Variants in CADM2 observed in about 807,000 individuals in gnomAD.
The protein encoded by CADM2 is cell adhesion molecule 2.
Under a neutral mutation model 49.8 loss-of-function variants are expected in CADM2, and 12 were observed. The ratio of observed to expected loss-of-function variants is 0.24; its 90% CI spans 0.15 to 0.39. The LOEUF (loss-of-function observed/expected upper bound fraction) is 0.39. Among genes scored for constraint, CADM2 ranks in the 10% least tolerant of loss-of-function variants. The pLI is 1.00. For synonymous variants in CADM2, 214 were observed against 175.4 expected, an observed-to-expected ratio of 1.22 and a Z score of -1.74; for missense variants, 378 against 492.3, an observed-to-expected ratio of 0.77 and a Z score of 2.20.
chr3:85,346,513 T>C (rs1489767628), intron 1 of CADM2, among the ~76,000 whole-genome samples: 2 of 152,204 alleles, frequency 1.3e-5, no homozygotes, highest in African/African-American at 4.8e-5. Flanking sequence ...TTGTATTTTG[T>C]TCTATTGTTG....
chr3:85,347,870 C>A (rs561585358), intron 1 of CADM2, among the ~76,000 whole-genome samples: 2 of 150,886 alleles, frequency 1.3e-5, no homozygotes, highest in East Asian at 1.9e-4. Context: ...TGCAGTGGCA[C>A]GATCTCCGCT....
chr3:85,568,420 T>TC (rs1491473089), intron 1 of CADM2, among the ~76,000 whole-genome samples: 2 of 31,748 alleles, frequency 6.3e-5, no homozygotes, highest in East Asian at 0.01. Flanking sequence ...TCTTTCTTTC[T>TC]TTCTTTCTTT....
chr3:85,999,567 C>CAGGA (rs34807959), intron 8 of CADM2, among the ~76,000 whole-genome samples: 5 of 121,992 alleles, frequency 4.1e-5, no homozygotes, highest in African/African-American at 1.6e-4. Context: ...GGCAGGAAGG[C>CAGGA]AGGAAGGAAG....
At chr3:85,542,150 C>T (rs976337861) in intron 1 of CADM2, among the ~76,000 whole-genome samples, 4 of 151,990 alleles carry the variant, frequency 2.6e-5, no homozygotes, top group African/African-American at 9.7e-5. Context: ...AGCTGTCTCT[C>T]ACCCATTGAG....
At chr3:85,143,960 T>C (rs989469007) in intron 1 of CADM2, among the ~76,000 whole-genome samples, 1 of 152,160 alleles carries the variant, frequency 6.6e-6, no homozygotes, top group African/African-American at 2.4e-5. Context: ...TCTTCAGTTA[T>C]ACTCCTACCA....
intron 1 of CADM2, among the ~76,000 whole-genome samples, chr3:85,707,673 C>A (rs2107728439): frequency 6.6e-6 from 1 of 152,236 alleles, no homozygotes; most frequent in South Asian, 2.1e-4. Flanking sequence ...CAAACCTGTA[C>A]ATTTTCTCAC....
chr3:85,068,818 G>T (rs1301217613), intron 1 of CADM2, among the ~76,000 whole-genome samples: 2 of 149,208 alleles, frequency 1.3e-5, no homozygotes. Context: ...CCTAGCATTT[G>T]TTCAAATAAC....
intron 1 of CADM2, among the ~76,000 whole-genome samples, chr3:85,644,510 G>A (rs2064827017): frequency 6.6e-6 from 1 of 152,084 alleles, no homozygotes; most frequent in Non-Finnish European, 1.5e-5. Context: ...TAAAAGAGAA[G>A]AGAACTTTCT....
At chr3:85,815,722 C>G (rs985869182) in intron 3 of CADM2, among the ~76,000 whole-genome samples, 1 of 152,126 alleles carries the variant, frequency 6.6e-6, no homozygotes, top group Non-Finnish European at 1.5e-5. Context: ...TCCTATTCAA[C>G]ATAGTACTGG....
chr3:85,626,922 A>G (rs2064146664), intron 1 of CADM2, among the ~76,000 whole-genome samples: 1 of 152,034 alleles, frequency 6.6e-6, no homozygotes. Context: ...TAACCGTCAT[A>G]CTTAAAGGCT....
At chr3:85,326,596 A>T (rs1056266466) in intron 1 of CADM2, among the ~76,000 whole-genome samples, 1 of 152,186 alleles carries the variant, frequency 6.6e-6, no homozygotes, top group African/African-American at 2.4e-5. Flanking sequence ...TACTATAATC[A>T]ATTTTGAAAT....
At chr3:85,504,651 C>T (rs1359802898) in intron 1 of CADM2, among the ~76,000 whole-genome samples, 1 of 152,222 alleles carries the variant, frequency 6.6e-6, no homozygotes, top group Non-Finnish European at 1.5e-5. Flanking sequence ...GTGGAGCTGC[C>T]TGCCAGTCCC....
At chr3:85,913,306 A>T (rs1254267445) in intron 6 of CADM2, among the ~76,000 whole-genome samples, 1 of 151,346 alleles carries the variant, frequency 6.6e-6, no homozygotes, top group Non-Finnish European at 1.5e-5. Context: ...AAAATGAATG[A>T]ATTGAAACAT....
intron 1 of CADM2, among the ~76,000 whole-genome samples, chr3:84,966,618 A>G (rs182951223): frequency 6.4e-4 from 98 of 152,184 alleles, no homozygotes; most frequent in African/African-American, 2.2e-3. Context: ...AAACTGAGTG[A>G]TAAGAACTTG....
At chr3:85,936,270 GA>G (rs1721180210) in intron 7 of CADM2, among the ~76,000 whole-genome samples, 1 of 151,692 alleles carries the variant, frequency 6.6e-6, no homozygotes, top group Non-Finnish European at 1.5e-5. Flanking sequence ...TTCATAAAAG[GA>G]AAATCGAATC....
intron 1 of CADM2, among the ~76,000 whole-genome samples, chr3:85,269,919 A>G (rs2043200934): frequency 6.6e-6 from 1 of 151,284 alleles, no homozygotes; most frequent in Non-Finnish European, 1.5e-5. Flanking sequence ...TATTTGCTGA[A>G]TTGTTTTTGT....
intron 1 of CADM2, among the ~76,000 whole-genome samples, chr3:85,000,149 C>CTCTCTCTCTCTCTCT (rs2033390446): frequency 1.8e-5 from 2 of 109,560 alleles, no homozygotes; most frequent in South Asian, 2.7e-4. Context: ...TCTCTCTCTC[C>CTCTCTCTCTCTCTCT]CTGCCCCAGG....
chr3:85,823,137 T>G (rs1283549222), intron 3 of CADM2, among the ~76,000 whole-genome samples: 1 of 152,186 alleles, frequency 6.6e-6, no homozygotes, highest in Non-Finnish European at 1.5e-5. Flanking sequence ...TGTTCAGATA[T>G]TCTCAAGAAT....
At chr3:85,964,054 C>T (rs1045876205) in intron 8 of CADM2, among the ~76,000 whole-genome samples, 6 of 151,708 alleles carry the variant, frequency 4.0e-5, no homozygotes, top group Non-Finnish European at 7.4e-5. Flanking sequence ...CCCCTTTGCA[C>T]GCTGGGTATA....
Sources: gnomAD v4.1 joint callset for allele counts (sites outside exome capture counted in the v4.1 genomes callset) on GRCh38, gnomAD v4.1.1 for gene constraint, MANE v1.5 for transcripts, NCBI Gene and HGNC (gene_info 2026-07-23, HGNC 2026-07-21) for gene names.